Variants in SLC25A37 observed in about 807,000 individuals in gnomAD.
SLC25A37 encodes the protein solute carrier family 25 member 37.
A neutral mutation model predicts 31.0 loss-of-function variants in SLC25A37; 17 were observed. The ratio of observed to expected loss-of-function variants is 0.55; its 90% CI spans 0.38 to 0.82. SLC25A37 has a LOEUF of 0.82. Among genes scored for constraint, SLC25A37 ranks in the 40% least tolerant of loss-of-function variants. The pLI is 0.00. For missense variants in SLC25A37, 404 were observed against 465.8 expected, an observed-to-expected ratio of 0.87 and a Z score of 1.22; for synonymous variants, 222 against 193.0, an observed-to-expected ratio of 1.15 and a Z score of -1.24.
chr8:23,554,768 C>T (rs1473146588), intron 1 of SLC25A37, among the ~76,000 whole-genome samples: 1 of 152,162 alleles, frequency 6.6e-6, no homozygotes, highest in Non-Finnish European at 1.5e-5. Context: ...TTAGTGGTGG[C>T]CTGGCAAGCA....
chr8:23,541,197 A>G (rs2117395844), intron 1 of SLC25A37, among the ~76,000 whole-genome samples: 1 of 152,176 alleles, frequency 6.6e-6, no homozygotes, highest in Admixed American at 6.5e-5. Context: ...TGCGTGTAGC[A>G]GAAACCAGCA....
chr8:23,547,188 A>T (rs1802091158), intron 1 of SLC25A37, among the ~76,000 whole-genome samples: 1 of 152,198 alleles, frequency 6.6e-6, no homozygotes, highest in African/African-American at 2.4e-5. Context: ...GAAATTGAAA[A>T]CAGATTTCGG....
chr8:23,571,096 T>C (rs1045637187), intron 3 of SLC25A37, among the ~76,000 whole-genome samples: 2 of 152,148 alleles, frequency 1.3e-5, no homozygotes, highest in African/African-American at 4.8e-5. Context: ...GAGACGGAAA[T>C]AGCCACCTTC....
chr8:23,570,832 TC>T (rs1273391665), intron 3 of SLC25A37, among the ~76,000 whole-genome samples: 3 of 152,128 alleles, frequency 2.0e-5, no homozygotes, highest in African/African-American at 7.2e-5. Context: ...TAGTGTCTGT[TC>T]CAAACGCACT....
intron 1 of SLC25A37, among the ~76,000 whole-genome samples, chr8:23,539,996 A>G (rs1801856889): frequency 6.6e-6 from 1 of 152,262 alleles, no homozygotes; most frequent in Non-Finnish European, 1.5e-5. Flanking sequence ...CAAATGCCCC[A>G]TTAATATCAG....
In SLC25A37 at chr8:23,549,907, C is replaced by T. The variant is rs957002293; in HGVS notation, c.211-16201C>T. ...CTAGGGGAGACAGATCCACAGCAGG[C>T]AGAATTTGAGGAGGACTTAAAATAC... is the stretch of plus-strand genomic sequence containing the variant. On this transcript the variant is annotated intron_variant, in intron 1 of 3. Coordinates refer to ENST00000519973, the MANE Select transcript of SLC25A37 (RefSeq NM_016612.4). Among the ~76,000 whole-genome samples the T allele has an allele frequency of 7.2e-5, 10 of 138,432 alleles. 2 individuals carry two copies. Among genetic ancestry groups the T allele is most frequent in the Admixed American group, 5.6e-4 (8 of 14,318 alleles). The allele number at this position is 138,432 out of a possible 152,430, so 90.8% of individuals were successfully genotyped here. A position where few individuals can be genotyped will look rare whatever the true frequency, so the allele number is the denominator to read the frequency against.
chr8:23,571,115 A>T (rs1449933838), intron 3 of SLC25A37, among the ~76,000 whole-genome samples: 4 of 152,242 alleles, frequency 2.6e-5, no homozygotes, highest in Non-Finnish European at 4.4e-5. Flanking sequence ...TCCAGGCGTG[A>T]GTCCTGGAGA....
At chr8:23,569,998 A>G (rs771821054) in intron 3 of SLC25A37, among the ~76,000 whole-genome samples, 6 of 152,106 alleles carry the variant, frequency 3.9e-5, no homozygotes, top group Non-Finnish European at 7.3e-5. Context: ...AGGTGAAGCT[A>G]TTAAATTTGT....
At chr8:23,567,978 A>G in intron 2 of SLC25A37, 1 of 376,358 alleles carries the variant, frequency 2.7e-6, no homozygotes. Context: ...GCGAGGGACA[A>G]GAGAGAGTTA....
rs779178006 is a variant in SLC25A37 at position 23,571,524 on chromosome 8, A to C, written c.686A>C (p.His229Pro). The C allele has an allele frequency of 6.2e-7, 1 of 1,613,708 alleles. No individual in the cohort carries two copies. The highest frequency in any genetic ancestry group is 1.1e-5 in the South Asian group (1 of 91,062). Residue 229 changes from histidine to proline, a missense_variant, in exon 4 of 4, where the codon CAC (histidine) becomes CCC (proline). Coordinates refer to ENST00000519973, the MANE Select transcript of SLC25A37 (RefSeq NM_016612.4). ...YEFLQEQVNP[H>P]RTYNPQSHII... Reference sequence around the variant, plus strand: ...TTCCTGCAGGAGCAGGTCAACCCCCACCGGACCTACAACCCGCAGTCCCAC... The same window carrying C: ...TTCCTGCAGGAGCAGGTCAACCCCCCCCGGACCTACAACCCGCAGTCCCAC...
At chr8:23,546,957 T>C (rs928719530) in intron 1 of SLC25A37, among the ~76,000 whole-genome samples, 2 of 152,052 alleles carry the variant, frequency 1.3e-5, no homozygotes, top group Non-Finnish European at 2.9e-5. Flanking sequence ...TTAGCACTGC[T>C]CCCCCCACAG....
intron 1 of SLC25A37, among the ~76,000 whole-genome samples, chr8:23,550,440 G>C (rs1432688893): frequency 6.6e-6 from 1 of 152,216 alleles, no homozygotes; most frequent in Non-Finnish European, 1.5e-5. Flanking sequence ...GCTGGCGACG[G>C]GACTGCTTTA....
At position 23,528,973 on chromosome 8, in the gene SLC25A37, G is replaced by A; in HGVS notation, c.-30G>A. On this transcript the variant is annotated 5_prime_UTR_variant, in exon 1 of 4. Coordinates refer to ENST00000519973, the MANE Select transcript of SLC25A37 (RefSeq NM_016612.4). ...CCCTCCCCCTCCCTGCCCACCTCCT[G>A]CAGCCTCCTGCGCCCCGCCGAGCTG... 1 of 1,447,974 alleles carries A rather than the reference G, an allele frequency of 6.9e-7. No homozygotes were observed. The highest frequency in any genetic ancestry group is 2.8e-5 in the East Asian group (1 of 35,312). The allele number at this position is 1,447,974 out of a possible 1,614,324, so 89.7% of individuals were successfully genotyped here.
rs1427644033 is a variant in SLC25A37 at position 23,546,606 on chromosome 8, G to A, written c.210+17394G>A. Among the ~76,000 whole-genome samples the A allele has an allele frequency of 1.8e-3, 141 of 78,768 alleles. 10 individuals carry two copies. The East Asian group carries it at 0.03, about 17-fold the overall frequency. The allele number at this position is 78,768 out of a possible 152,430, so 51.7% of individuals were successfully genotyped here. A position where few individuals can be genotyped will look rare whatever the true frequency, so the allele number is the denominator to read the frequency against. ...TAGTGTATATATATATAGTGTATGT[G>A]TGTGTGTGTGTGTGTATATATATAT... On this transcript the variant is annotated intron_variant, in intron 1 of 3. Coordinates refer to ENST00000519973, the MANE Select transcript of SLC25A37 (RefSeq NM_016612.4).
At chr8:23,546,555 T>TATA (rs1802058185) in intron 1 of SLC25A37, among the ~76,000 whole-genome samples, 2 of 13,824 alleles carry the variant, frequency 1.4e-4, no homozygotes, top group African/African-American at 3.4e-4. Context: ...ATATATATAG[T>TATA]GTATATATAT....
At chr8:23,549,372 T>G (rs11135748) in intron 1 of SLC25A37, among the ~76,000 whole-genome samples, 2,195 of 152,260 alleles carry the variant, frequency 0.014, 51 homozygotes, top group South Asian at 0.1. Context: ...GGGAGAGGGT[T>G]TTAGCGTAAA....
intron 1 of SLC25A37, among the ~76,000 whole-genome samples, chr8:23,558,103 A>T (rs1362933294): frequency 6.6e-6 from 1 of 152,228 alleles, no homozygotes; most frequent in Non-Finnish European, 1.5e-5. Flanking sequence ...TAGATTTCAC[A>T]TGATCGTCTC....
At chr8:23,546,618 GTGTA>G (rs1802072650) in intron 1 of SLC25A37, among the ~76,000 whole-genome samples, 1 of 135,034 alleles carries the variant, frequency 7.4e-6, no homozygotes, top group Non-Finnish European at 1.6e-5. Context: ...GTGTGTGTGT[GTGTA>G]TATATATATA....
intron 1 of SLC25A37, among the ~76,000 whole-genome samples, chr8:23,534,159 C>T (rs1050297361): frequency 2.0e-5 from 3 of 152,056 alleles, no homozygotes; most frequent in Admixed American, 1.3e-4. Flanking sequence ...CAATTTGTTG[C>T]CCAGACTGGT....
Sources: allele counts gnomAD v4.1 joint callset (sites outside exome capture counted in the v4.1 genomes callset), GRCh38; gene constraint gnomAD v4.1.1; transcripts MANE v1.5; gene names NCBI Gene and HGNC (gene_info 2026-07-23, HGNC 2026-07-21).